Variants in CADM1 observed in about 807,000 individuals in gnomAD.
The protein encoded by CADM1 is TSLC-1.
In CADM1, 15 loss-of-function variants were observed where a neutral mutation model predicts 53.1. That is an observed-to-expected ratio of 0.28 (90% confidence interval 0.19 to 0.44). The LOEUF is 0.44. Among genes scored for constraint, CADM1 ranks in the 20% least tolerant of loss-of-function variants. CADM1 has a pLI of 1.00. For synonymous variants in CADM1, 281 were observed against 243.0 expected (o/e 1.16, Z -1.45); for missense variants, 434 against 611.3 (o/e 0.71, Z 3.06).
At chr11:115,486,575 G>A (rs1949377521) in intron 1 of CADM1, among the ~76,000 whole-genome samples, 1 of 152,064 alleles carries the variant, frequency 6.6e-6, no homozygotes, top group Admixed American at 6.6e-5. Flanking sequence ...AAGCTCCTGG[G>A]CTCAAGCAAT....
At chr11:115,332,109 C>A (rs1226263492) in intron 1 of CADM1, among the ~76,000 whole-genome samples, 1 of 152,118 alleles carries the variant, frequency 6.6e-6, no homozygotes, top group African/African-American at 2.4e-5. Context: ...GCAGGGTAAG[C>A]ACAATCATTA....
intron 1 of CADM1, among the ~76,000 whole-genome samples, chr11:115,414,654 G>A (rs1947548422): frequency 6.6e-6 from 1 of 152,140 alleles, no homozygotes; most frequent in South Asian, 2.1e-4. Flanking sequence ...AGAACCACTA[G>A]AACGGAAAAG....
At chr11:115,229,012 A>G in intron 5 of CADM1, 101 bp downstream of exon 5, 1 of 1,046,728 alleles carries the variant, frequency 9.6e-7, no homozygotes, top group Admixed American at 1.8e-5. Flanking sequence ...TAAGAATTCT[A>G]TGTATACTAT....
At chr11:115,381,707 T>G (rs1386117938) in intron 1 of CADM1, among the ~76,000 whole-genome samples, 2 of 152,216 alleles carry the variant, frequency 1.3e-5, no homozygotes, top group African/African-American at 4.8e-5. Context: ...TACATTAATC[T>G]TATTCCCTCC....
Position 115,175,112 on chromosome 11 carries a change from A to G in CADM1, c.*1362T>C. The G allele has an allele frequency of 1.0e-6, 1 of 985,802 alleles. No homozygotes were observed. The allele number at this position is 985,802 out of a possible 1,614,324, so 61.1% of individuals were successfully genotyped here. A position where few individuals can be genotyped will look rare whatever the true frequency, so the allele number is the denominator to read the frequency against. ...GAAAGGTAAAAAGATAAAAACACTC[A>G]CATTTGAGTTTTGATTAAGTAACTG... is the stretch of plus-strand genomic sequence containing the variant. On this transcript the variant is annotated 3_prime_UTR_variant, in exon 12 of 12. Transcript: ENST00000331581.
intron 1 of CADM1, among the ~76,000 whole-genome samples, chr11:115,390,056 C>T (rs1399139228): frequency 3.3e-5 from 5 of 152,036 alleles, no homozygotes; most frequent in Non-Finnish European, 5.9e-5. Flanking sequence ...CATTCATGAG[C>T]CATTAATGCC....
chr11:115,235,976 A>T (rs370686333), intron 3 of CADM1, among the ~76,000 whole-genome samples: 1 of 152,212 alleles, frequency 6.6e-6, no homozygotes, highest in Non-Finnish European at 1.5e-5. Context: ...ATGCATACAA[A>T]ATATCATAGG....
intron 1 of CADM1, chr11:115,445,847 A>G (rs1485521223): frequency 7.0e-6 from 3 of 429,284 alleles, no homozygotes; most frequent in Non-Finnish European, 1.4e-5. Flanking sequence ...CTGTCAAAAA[A>G]GAAAAAACGA....
At chr11:115,373,583 CAAAAAAAAAAAA>C (rs35059216) in intron 1 of CADM1, among the ~76,000 whole-genome samples, 8 of 48,838 alleles carry the variant, frequency 1.6e-4, no homozygotes, top group East Asian at 1.1e-3. Context: ...GACTCTGTCT[CAAAAAAAAAAAA>C]AAAAAAAAAA....
At chr11:115,183,476 C>G (rs1591581671) in intron 10 of CADM1, among the ~76,000 whole-genome samples, 1 of 152,204 alleles carries the variant, frequency 6.6e-6, no homozygotes, top group Non-Finnish European at 1.5e-5. Flanking sequence ...TAGACAAGCT[C>G]CTGGCAAATA....
At chr11:115,252,796 G>A (rs1389501442) in intron 1 of CADM1, among the ~76,000 whole-genome samples, 1 of 152,144 alleles carries the variant, frequency 6.6e-6, no homozygotes, top group Non-Finnish European at 1.5e-5. Context: ...GGAATACGGT[G>A]TTTCACAAAA....
intron 1 of CADM1, among the ~76,000 whole-genome samples, chr11:115,369,367 G>T (rs1302266376): frequency 6.6e-6 from 1 of 152,164 alleles, no homozygotes; most frequent in African/African-American, 2.4e-5. Context: ...TATGGGAGTG[G>T]TTAATCGGTT....
chr11:115,317,085 A>C (rs1434110830), intron 1 of CADM1, among the ~76,000 whole-genome samples: 1 of 152,226 alleles, frequency 6.6e-6, no homozygotes, highest in African/African-American at 2.4e-5. Context: ...AGAAGGCGGA[A>C]AAAACGGCTC....
intron 1 of CADM1, among the ~76,000 whole-genome samples, chr11:115,381,302 A>G (rs531529781): frequency 6.4e-4 from 98 of 152,212 alleles, no homozygotes; most frequent in African/African-American, 2.2e-3. Flanking sequence ...TCAAAAAAAA[A>G]AAAAAAGAAG....
chr11:115,324,806 A>T (rs1410654656), intron 1 of CADM1, among the ~76,000 whole-genome samples: 1 of 152,172 alleles, frequency 6.6e-6, no homozygotes, highest in Non-Finnish European at 1.5e-5. Context: ...AACAGAAAGC[A>T]AAGTTAAAAG....
chr11:115,406,416 T>C (rs1269623823), intron 1 of CADM1, among the ~76,000 whole-genome samples: 1 of 151,296 alleles, frequency 6.6e-6, no homozygotes, highest in East Asian at 1.9e-4. Context: ...AAGATTAAAC[T>C]AACAAAATCC....
intron 1 of CADM1, among the ~76,000 whole-genome samples, chr11:115,274,607 C>T (rs1943393163): frequency 6.6e-6 from 1 of 152,204 alleles, no homozygotes; most frequent in African/African-American, 2.4e-5. Context: ...GACAAGACAA[C>T]AGCAACAACG....
At chr11:115,443,195 A>G (rs1948364763) in intron 1 of CADM1, among the ~76,000 whole-genome samples, 1 of 131,992 alleles carries the variant, frequency 7.6e-6, no homozygotes, top group Non-Finnish European at 1.7e-5. Context: ...TTTGAACACC[A>G]AGGGAGAAAA....
intron 1 of CADM1, among the ~76,000 whole-genome samples, chr11:115,243,610 C>CT (rs1193698466): frequency 6.6e-6 from 1 of 152,168 alleles, no homozygotes; most frequent in African/African-American, 2.4e-5. Flanking sequence ...TCTTAACTGC[C>CT]TGAAGCCTTT....
Sources: allele counts gnomAD v4.1 joint callset (sites outside exome capture counted in the v4.1 genomes callset), GRCh38; gene constraint gnomAD v4.1.1; transcripts MANE v1.5; gene names NCBI Gene and HGNC (gene_info 2026-07-23, HGNC 2026-07-21).